The following DNMBP variants were observed in gnomAD, a reference collection of about 807,000 sequenced individuals.
DNMBP encodes the protein dynamin binding protein, also known as dynamin-binding protein.
DNMBP carries 87 observed loss-of-function variants against 150.0 expected under a neutral mutation model. That is an observed-to-expected ratio of 0.58 (90% CI 0.49 to 0.69). The LOEUF is 0.69. DNMBP is among the 30% of genes least tolerant of loss of function. The pLI, the probability that DNMBP is intolerant of heterozygous loss-of-function variation, is 0.00. For synonymous variants in DNMBP, 711 were observed against 750.4 expected (o/e 0.95, Z 0.86); for missense variants, 1,774 against 1,949.0 (o/e 0.91, Z 1.69).
At chr10:100,003,736 C>T (rs1355383744) in intron 1 of DNMBP, among the ~76,000 whole-genome samples, 1 of 151,862 alleles carries the variant, frequency 6.6e-6, no homozygotes, top group Non-Finnish European at 1.5e-5. Context: ...AAATATTTAG[C>T]TGGGTGTGGT....
intron 4 of DNMBP, among the ~76,000 whole-genome samples, chr10:99,924,911 T>C (rs1008798626): frequency 6.6e-6 from 1 of 152,206 alleles, no homozygotes; most frequent in African/African-American, 2.4e-5. Flanking sequence ...TCCACAGCAA[T>C]TACTGTCCCA....
chr10:99,909,151 A>G lies in DNMBP; in HGVS notation c.2261-5T>C, dbSNP rs2039869274. 1 of 1,611,784 alleles carries G rather than the reference A, an allele frequency of 6.2e-7. No individual in the cohort carries two copies. On this transcript the variant is annotated splice_polypyrimidine_tract_variant and splice_region_variant and intron_variant, in intron 4 of 16. Coordinates refer to ENST00000324109, the MANE Select transcript of DNMBP (RefSeq NM_015221.4). The stretch of plus-strand genomic sequence containing the variant: ...GGGAGGAGAGGAGCGTCATTTCTAG[A>G]AGGGAAAAGAGAACTGGTTAGCAGC...
At chr10:99,891,926 A>G (rs2039573084) in intron 11 of DNMBP, among the ~76,000 whole-genome samples, 2 of 138,748 alleles carry the variant, frequency 1.4e-5, no homozygotes, top group Non-Finnish European at 3.1e-5. Context: ...TGGGGGGGTC[A>G]GCCCCCTGCC....
intron 3 of DNMBP, among the ~76,000 whole-genome samples, chr10:99,968,818 G>A (rs1335798499): frequency 3.3e-5 from 5 of 151,820 alleles, no homozygotes; most frequent in Admixed American, 1.3e-4. Flanking sequence ...TCCCACCTTC[G>A]GCCAACAGTC....
At chr10:99,905,116 T>TA (rs982675173) in intron 6 of DNMBP, among the ~76,000 whole-genome samples, 2 of 152,210 alleles carry the variant, frequency 1.3e-5, no homozygotes, top group Non-Finnish European at 2.9e-5. Flanking sequence ...TCAAGTGCCT[T>TA]AAAAAATCAT....
intron 4 of DNMBP, among the ~76,000 whole-genome samples, chr10:99,927,990 T>C (rs1375907490): frequency 2.6e-5 from 4 of 152,222 alleles, no homozygotes; most frequent in South Asian, 2.1e-4. Context: ...CAAAAACCAA[T>C]ATAAAGAATC....
chr10:99,920,049 A>G (rs2040005327), intron 4 of DNMBP, among the ~76,000 whole-genome samples: 1 of 152,036 alleles, frequency 6.6e-6, no homozygotes, highest in Non-Finnish European at 1.5e-5. Context: ...GGTGAACCTA[A>G]TCTCTCAAAA....
intron 11 of DNMBP, among the ~76,000 whole-genome samples, chr10:99,889,767 T>C (rs41290520): frequency 0.032 from 4,831 of 152,246 alleles, 82 homozygotes; most frequent in South Asian, 0.087. Context: ...CTAAGACTTT[T>C]AATTCTTAAA....
intron 4 of DNMBP, among the ~76,000 whole-genome samples, chr10:99,941,490 T>C (rs1387883573): frequency 1.3e-5 from 2 of 151,558 alleles, no homozygotes; most frequent in Admixed American, 6.6e-5. Flanking sequence ...TTTTTTGAGA[T>C]GGAGTTTCAC....
intron 4 of DNMBP, among the ~76,000 whole-genome samples, chr10:99,911,518 G>A (rs1348133378): frequency 2.0e-5 from 3 of 152,006 alleles, no homozygotes; most frequent in South Asian, 4.1e-4. Context: ...AATACACACT[G>A]AAGCTTACTA....
Sources: allele counts gnomAD v4.1 joint callset (sites outside exome capture counted in the v4.1 genomes callset), GRCh38; gene constraint gnomAD v4.1.1; transcripts MANE v1.5; gene names NCBI Gene and HGNC (gene_info 2026-07-23, HGNC 2026-07-21).